Variants in SEC24A observed in about 807,000 individuals in gnomAD.
The protein encoded by SEC24A is SEC24 homolog A, COPII component, also known as protein transport protein Sec24A.
In SEC24A, 93 loss-of-function variants were observed where a neutral mutation model predicts 129.4. That is an observed-to-expected ratio of 0.72 (90% confidence interval 0.61 to 0.85). SEC24A has a LOEUF of 0.85. SEC24A is among the 40% of genes least tolerant of loss of function. The pLI is 0.00. For missense variants in SEC24A, 1,264 were observed against 1,307.4 expected, an observed-to-expected ratio of 0.97 and a Z score of 0.51; for synonymous variants, 460 against 467.3, an observed-to-expected ratio of 0.98 and a Z score of 0.20.
At chr5:134,713,874 C>CAAAA (rs151183691) in intron 18 of SEC24A, among the ~76,000 whole-genome samples, 2 of 94,892 alleles carry the variant, frequency 2.1e-5, no homozygotes, top group African/African-American at 7.7e-5. Flanking sequence ...ACTAAAAATA[C>CAAAA]AAAAAAAAAA....
chr5:134,707,783 A>G (rs1286114749), intron 17 of SEC24A, among the ~76,000 whole-genome samples: 1 of 152,068 alleles, frequency 6.6e-6, no homozygotes, highest in Admixed American at 6.6e-5. Context: ...TTAGTGCCAC[A>G]TGGATGGAGT....
chr5:134,679,205 A>G (rs985031025), intron 7 of SEC24A, among the ~76,000 whole-genome samples: 9 of 151,294 alleles, frequency 5.9e-5, no homozygotes, highest in African/African-American at 2.2e-4. Flanking sequence ...ACTTCAACCC[A>G]GCTCACCACA....
intron 1 of SEC24A, among the ~76,000 whole-genome samples, chr5:134,654,074 A>G (rs1447138060): frequency 6.6e-6 from 1 of 151,706 alleles, no homozygotes; most frequent in African/African-American, 2.4e-5. Context: ...TAGGAGGATC[A>G]CCTGTGTCCA....
intron 13 of SEC24A, among the ~76,000 whole-genome samples, chr5:134,695,819 C>T (rs779836842): frequency 9.3e-5 from 14 of 150,370 alleles, no homozygotes; most frequent in East Asian, 2.0e-4. Flanking sequence ...CTGGGGGTGG[C>T]GGTGTGCACC....
Position 134,682,358 on chromosome 5 carries a change from G to A in SEC24A, c.1382-15G>A, listed in dbSNP as rs1383528872. On this transcript the variant is annotated splice_polypyrimidine_tract_variant and intron_variant, in intron 8 of 22. Transcript: ENST00000398844. ...TTTCAGTTTTTTCAATATGTGTATTGTTAACTTTATATAGTTCCTGAAGAA... is the reference window on the plus strand; with the variant it reads ...TTTCAGTTTTTTCAATATGTGTATTATTAACTTTATATAGTTCCTGAAGAA... 1.4e-6 allele frequency: 2 copies of A among 1,404,654 alleles called. No homozygotes were observed. The highest frequency in any genetic ancestry group is 2.9e-5 in the African/African-American group (2 of 70,032). The allele number at this position is 1,404,654 out of a possible 1,614,324, so 87.0% of individuals were successfully genotyped here.
chr5:134,665,541 A>C (rs1750631618), intron 2 of SEC24A, among the ~76,000 whole-genome samples: 1 of 150,400 alleles, frequency 6.6e-6, no homozygotes. Context: ...CTGGCCCCCT[A>C]TTTTTATTTT....
Position 134,667,761 on chromosome 5 carries a change from G to A in SEC24A, c.739+765G>A, listed in dbSNP as rs111470454. On this transcript the variant is annotated intron_variant, in intron 3 of 22. Coordinates refer to ENST00000398844, the MANE Select transcript of SEC24A (RefSeq NM_021982.3). The stretch of plus-strand genomic sequence containing the variant: ...AACTAAATAAAAGTCATTTATACAA[G>A]CAGTGGAAAAATACAAGCTTTTGAA... Among the ~76,000 whole-genome samples the A allele has an allele frequency of 4.8e-3, 727 of 150,722 alleles. 5 individuals are homozygous for A. Among genetic ancestry groups the A allele is most frequent in the African/African-American group, 0.017 (694 of 40,956 alleles).
At chr5:134,697,036 T>C in intron 13 of SEC24A, 90 bp from the exon 14 acceptor site, 1 of 702,656 alleles carries the variant, frequency 1.4e-6, no homozygotes, top group East Asian at 2.8e-5. Context: ...GCAATTGTTG[T>C]TAACATCATG....
At chr5:134,713,080 C>T (rs1234729794) in intron 18 of SEC24A, among the ~76,000 whole-genome samples, 1 of 149,118 alleles carries the variant, frequency 6.7e-6, no homozygotes, top group South Asian at 2.1e-4. Flanking sequence ...TACAGGCGCC[C>T]ACCACAATGC....
Position 134,648,952 on chromosome 5 carries a change from C to G in SEC24A, c.-125C>G. 1 of 641,726 alleles carries G rather than the reference C, an allele frequency of 1.6e-6. No homozygotes were observed. Among genetic ancestry groups the G allele is most frequent in the Non-Finnish European group, 2.7e-6 (1 of 371,214 alleles). The allele number at this position is 641,726 out of a possible 1,614,324, so 39.8% of individuals were successfully genotyped here. On this transcript the variant is annotated 5_prime_UTR_variant, in exon 1 of 23. Coordinates refer to ENST00000398844, the MANE Select transcript of SEC24A (RefSeq NM_021982.3). ...CCATGCCTCGGGCTTAATGCGCCCC[C>G]CCCTCTTCTCCCAGTCTTCAGTCTT...
chr5:134,669,223 A>G (rs1208461616), intron 3 of SEC24A, among the ~76,000 whole-genome samples: 2 of 148,630 alleles, frequency 1.3e-5, no homozygotes, highest in East Asian at 2.1e-4. Flanking sequence ...CTGGAGTGCA[A>G]TGGTGCGATC....
In SEC24A at chr5:134,693,807, G is replaced by A; in HGVS notation, c.1860G>A (p.Leu620=). The A allele has an allele frequency of 6.2e-7, 1 of 1,614,148 alleles. No homozygotes were observed. The highest frequency in any genetic ancestry group is 8.5e-7 in the Non-Finnish European group (1 of 1,180,020). ...LETQSALGPA[L]QAAFKLMSPT... is the part of the protein sequence containing the mutation. ...CCCAGAGTGCCTTGGGTCCTGCACT[G>A]CAGGCTGCCTTTAAGCTGATGTCTC... Residue 620 remains leucine (L), a synonymous_variant, in exon 13 of 23, where the codon CTG becomes CTA. Coordinates refer to ENST00000398844, the MANE Select transcript of SEC24A (RefSeq NM_021982.3).
intron 7 of SEC24A, among the ~76,000 whole-genome samples, chr5:134,678,899 G>C (rs1751165034): frequency 6.6e-6 from 1 of 151,762 alleles, no homozygotes; most frequent in South Asian, 2.1e-4. Context: ...TTTTAAAATA[G>C]AGACAGGGTC....
At chr5:134,705,090 A>ATATATATAT (rs1180461537) in intron 16 of SEC24A, among the ~76,000 whole-genome samples, 19 of 123,304 alleles carry the variant, frequency 1.5e-4, no homozygotes, top group African/African-American at 2.4e-4. Flanking sequence ...ATATATATAT[A>ATATATATAT]TTTTTTTTTT....
At chr5:134,656,878 C>A (rs913399010) in intron 1 of SEC24A, among the ~76,000 whole-genome samples, 2 of 150,824 alleles carry the variant, frequency 1.3e-5, no homozygotes, top group Non-Finnish European at 2.9e-5. Flanking sequence ...AACTCCTGGG[C>A]TCAAGTAATC....
At chr5:134,700,550 T>A (rs1249672947) in intron 15 of SEC24A, among the ~76,000 whole-genome samples, 17 of 151,256 alleles carry the variant, frequency 1.1e-4, no homozygotes, top group African/African-American at 4.1e-4. Flanking sequence ...AAAAATTATT[T>A]ATATGAAATC....
At chr5:134,679,352 C>G (rs1005512324) in intron 7 of SEC24A, among the ~76,000 whole-genome samples, 3 of 152,084 alleles carry the variant, frequency 2.0e-5, no homozygotes, top group African/African-American at 7.2e-5. Context: ...GCCACTGTCC[C>G]CAGCCAATAA....
At chr5:134,649,211 G>T in intron 1 of SEC24A, 38 bp downstream of exon 1, 2 of 1,465,976 alleles carry the variant, frequency 1.4e-6, no homozygotes, top group Non-Finnish European at 1.9e-6. Flanking sequence ...GCCTGGCCAG[G>T]GCTGACTGAC....
rs746583184 is a variant in SEC24A, at chr5:134,686,827, T to A, written c.1529T>A (p.Phe510Tyr). 6.2e-7 allele frequency: 1 copy of A among 1,610,408 alleles called. No homozygotes were observed. Among genetic ancestry groups the A allele is most frequent in the Admixed American group, 1.7e-5 (1 of 59,478 alleles). The change falls in exon 10 of 23, where the codon TTT becomes TAT. Residue 510 changes from phenylalanine (F) to tyrosine (Y), a missense_variant. By Grantham distance (22) the Phe-to-Tyr change is conservative. Coordinates refer to ENST00000398844, the MANE Select transcript of SEC24A (RefSeq NM_021982.3). Reference protein sequence around the residue: ...PPQPPVYLFVFDVSHNAVETG... With the variant: ...PPQPPVYLFVYDVSHNAVETG... The stretch of plus-strand genomic sequence containing the variant: ...CAGCCTCCAGTGTATCTCTTTGTAT[T>A]TGATGTGTCTCACAATGCAGTCGAA...
Sources: gnomAD v4.1 joint callset for allele counts (sites outside exome capture counted in the v4.1 genomes callset) on GRCh38, gnomAD v4.1.1 for gene constraint, MANE v1.5 for transcripts, NCBI Gene and HGNC (gene_info 2026-07-23, HGNC 2026-07-21) for gene names.